NLGN1: variants seen among roughly 807,000 people sequenced by gnomAD.
NLGN1 encodes the protein neuroligin-1.
A neutral mutation model predicts 65.5 loss-of-function variants in NLGN1; 12 were observed. That is an observed-to-expected ratio of 0.18 (90% CI 0.12 to 0.30). The LOEUF (loss-of-function observed/expected upper bound fraction) is 0.30. NLGN1 is among the 10% of genes least tolerant of loss of function. The pLI is 1.00. For synonymous variants in NLGN1, 350 were observed against 359.5 expected (o/e 0.97, Z 0.30); for missense variants, 750 against 1,007.1 (o/e 0.74, Z 3.46).
chr3:173,769,290 A>T (rs961505152), intron 3 of NLGN1, among the ~76,000 whole-genome samples: 3 of 152,192 alleles, frequency 2.0e-5, no homozygotes, highest in Admixed American at 1.3e-4. Context: ...AGACCAAGCT[A>T]ATTAACATGG....
At chr3:173,942,228 A>C (rs572333242) in intron 4 of NLGN1, among the ~76,000 whole-genome samples, 1 of 151,912 alleles carries the variant, frequency 6.6e-6, no homozygotes, top group Non-Finnish European at 1.5e-5. Flanking sequence ...AGCACTGCCT[A>C]TATTCTGGGC....
At chr3:174,211,890 A>T (rs1022055855) in intron 4 of NLGN1, among the ~76,000 whole-genome samples, 1 of 152,066 alleles carries the variant, frequency 6.6e-6, no homozygotes, top group Non-Finnish European at 1.5e-5. Flanking sequence ...CACCAGACTC[A>T]GGAGCCCAGC....
intron 2 of NLGN1, among the ~76,000 whole-genome samples, chr3:173,505,330 A>C (rs1290054085): frequency 6.6e-6 from 1 of 152,132 alleles, no homozygotes; most frequent in Non-Finnish European, 1.5e-5. Context: ...ATGGAGCTCC[A>C]TGCATGGAAT....
chr3:173,539,797 C>CATAT (rs145425280), intron 2 of NLGN1, among the ~76,000 whole-genome samples: 72 of 129,076 alleles, frequency 5.6e-4, no homozygotes, highest in African/African-American at 2.1e-3. Flanking sequence ...TACATATATA[C>CATAT]ATATATATAC....
chr3:174,293,591 G>A, the NLGN1 span, among the ~76,000 whole-genome samples: 49 of 151,540 alleles, frequency 3.2e-4, no homozygotes, highest in African/African-American at 1.0e-3. Flanking sequence ...AGAAGAAATT[G>A]GATAATATTT....
At chr3:173,617,917 A>G (rs1239020536) in intron 3 of NLGN1, among the ~76,000 whole-genome samples, 1 of 151,960 alleles carries the variant, frequency 6.6e-6, no homozygotes, top group East Asian at 1.9e-4. Context: ...TATATCTTCT[A>G]ATTATTTTCT....
At chr3:173,993,791 A>G (rs1228710820) in intron 4 of NLGN1, among the ~76,000 whole-genome samples, 1 of 151,918 alleles carries the variant, frequency 6.6e-6, no homozygotes, top group Non-Finnish European at 1.5e-5. Context: ...TAAATGGTAT[A>G]TATGTATATA....
chr3:173,992,816 A>T (rs1285817381), intron 4 of NLGN1, among the ~76,000 whole-genome samples: 1 of 152,092 alleles, frequency 6.6e-6, no homozygotes, highest in African/African-American at 2.4e-5. Flanking sequence ...TTTATTACAG[A>T]CTCTTATGCC....
chr3:174,134,731 C>T (rs1720889677), intron 4 of NLGN1, among the ~76,000 whole-genome samples: 1 of 151,732 alleles, frequency 6.6e-6, no homozygotes, highest in Non-Finnish European at 1.5e-5. Context: ...TCTGAGGAAA[C>T]TCTCGTATGC....
At chr3:174,184,187 A>G (rs1469363590) in intron 4 of NLGN1, among the ~76,000 whole-genome samples, 1 of 152,098 alleles carries the variant, frequency 6.6e-6, no homozygotes, top group Non-Finnish European at 1.5e-5. Flanking sequence ...TATTTAAAAG[A>G]CTGTCATTTA....
intron 4 of NLGN1, among the ~76,000 whole-genome samples, chr3:174,211,453 A>T (rs940961132): frequency 1.3e-5 from 2 of 151,850 alleles, no homozygotes; most frequent in Admixed American, 1.3e-4. Flanking sequence ...CTAGATACAG[A>T]GTGTCGGTTG....
chr3:173,545,513 T>C (rs1390643847), intron 2 of NLGN1, among the ~76,000 whole-genome samples: 2 of 152,230 alleles, frequency 1.3e-5, no homozygotes, highest in Admixed American at 6.5e-5. Flanking sequence ...GGAGAGAATG[T>C]AGATTATGCT....
At chr3:173,413,901 A>C (rs1713128269) in intron 1 of NLGN1, among the ~76,000 whole-genome samples, 1 of 152,182 alleles carries the variant, frequency 6.6e-6, no homozygotes, top group Non-Finnish European at 1.5e-5. Flanking sequence ...TGGTTGTGGT[A>C]CAACAGGTGA....
At chr3:173,473,995 C>T (rs1268328730) in intron 2 of NLGN1, among the ~76,000 whole-genome samples, 1 of 152,142 alleles carries the variant, frequency 6.6e-6, no homozygotes, top group South Asian at 2.1e-4. Flanking sequence ...AGAGTGCCAG[C>T]GTTAGCCTCA....
At chr3:173,806,730 A>T (rs1317053944) in intron 3 of NLGN1, among the ~76,000 whole-genome samples, 3 of 152,120 alleles carry the variant, frequency 2.0e-5, no homozygotes, top group Non-Finnish European at 4.4e-5. Context: ...AAATTATGTT[A>T]TGTTTATTTA....
At chr3:173,569,025 C>G (rs1363186478) in intron 2 of NLGN1, among the ~76,000 whole-genome samples, 2 of 151,930 alleles carry the variant, frequency 1.3e-5, no homozygotes, top group Non-Finnish European at 1.5e-5. Context: ...AGAGCTTTTC[C>G]CCAAGGAAAA....
At chr3:174,199,085 G>A (rs1423806588) in intron 4 of NLGN1, among the ~76,000 whole-genome samples, 2 of 152,032 alleles carry the variant, frequency 1.3e-5, no homozygotes, top group Non-Finnish European at 2.9e-5. Flanking sequence ...GACTTCAGGT[G>A]ATCCGCCCAC....
chr3:173,799,850 T>C (rs1320920252), intron 3 of NLGN1, among the ~76,000 whole-genome samples: 1 of 151,898 alleles, frequency 6.6e-6, no homozygotes, highest in Admixed American at 6.6e-5. Flanking sequence ...TATTCATATC[T>C]CTGTCTTCTC....
intron 4 of NLGN1, among the ~76,000 whole-genome samples, chr3:173,837,613 G>A (rs1229800510): frequency 6.6e-6 from 1 of 152,128 alleles, no homozygotes; most frequent in East Asian, 1.9e-4. Flanking sequence ...AATAAAACCA[G>A]GGAACTGAGC....
Sources: allele counts gnomAD v4.1 joint callset (sites outside exome capture counted in the v4.1 genomes callset), GRCh38; gene constraint gnomAD v4.1.1; transcripts MANE v1.5; gene names NCBI Gene and HGNC (gene_info 2026-07-23, HGNC 2026-07-21).